The following ANKRD36B variants were observed in gnomAD, a reference collection of about 807,000 sequenced individuals.
The protein encoded by ANKRD36B is ankyrin repeat domain-containing protein 36B.
A neutral mutation model predicts 135.7 loss-of-function variants in ANKRD36B; 37 were observed. The ratio of observed to expected loss-of-function variants is 0.27; its 90% CI spans 0.21 to 0.36. The LOEUF (loss-of-function observed/expected upper bound fraction) is 0.36. ANKRD36B is among the 10% of genes least tolerant of loss of function. ANKRD36B has a pLI of 1.00. For missense variants in ANKRD36B, 549 were observed against 1,037.1 expected (o/e 0.53, Z 6.46); for synonymous variants, 179 against 348.1 (o/e 0.51, Z 5.41).
At chr2:97,555,276 T>A (rs1360381953) in intron 12 of ANKRD36B, 22 bp from the exon 13 acceptor site, 3 of 1,610,396 alleles carry the variant, frequency 1.9e-6, no homozygotes, top group African/African-American at 2.7e-5. Context: ...AAGGGATACA[T>A]AATCACTCAT....
chr2:97,569,811 C>T (rs1484517763), intron 6 of ANKRD36B, among the ~76,000 whole-genome samples: 9 of 151,994 alleles, frequency 5.9e-5, no homozygotes, highest in East Asian at 3.8e-4. Flanking sequence ...TATAGCAAGA[C>T]GTACTCAATT....
intron 5 of ANKRD36B, 127 bp from the exon 6 acceptor site, chr2:97,576,573 G>A: frequency 3.7e-6 from 1 of 273,092 alleles, no homozygotes; most frequent in South Asian, 4.4e-5. Context: ...CTTCTCTTTT[G>A]TAAGCTCTAC....
At chr2:97,572,321 T>G (rs1023024354) in intron 6 of ANKRD36B, among the ~76,000 whole-genome samples, 8 of 148,398 alleles carry the variant, frequency 5.4e-5, no homozygotes, top group Non-Finnish European at 9.0e-5. Context: ...TATAGATGGT[T>G]AAAGGTGTGG....
At chr2:97,585,212 G>A (rs1343126145) in intron 2 of ANKRD36B, 72 bp downstream of exon 2, 95 of 1,553,374 alleles carry the variant, frequency 6.1e-5, no homozygotes, top group Non-Finnish European at 7.8e-5. Context: ...GTATTCCAAT[G>A]AGATAAATTC....
At chr2:97,572,925 T>C (rs1250864102) in intron 6 of ANKRD36B, among the ~76,000 whole-genome samples, 1 of 152,002 alleles carries the variant, frequency 6.6e-6, no homozygotes, top group Admixed American at 6.6e-5. Flanking sequence ...ACTTCTTTTT[T>C]TTTTTTTTTA....
In ANKRD36B at chr2:97,524,838, G is replaced by A. The variant is rs374909601; in HGVS notation, c.2266-1371C>T. The A allele has an allele frequency of 4.2e-5, 4 of 96,100 alleles. 1 individual carries two copies. In the East Asian group the frequency reaches 7.0e-4, roughly 17 times the overall value. The allele number at this position is 96,100 out of a possible 1,614,324, so 6.0% of individuals were successfully genotyped here. A position where few individuals can be genotyped will look rare whatever the true frequency, so the allele number is the denominator to read the frequency against. ...TTGATCCACATTCTCTCATACTTTT[G>A]TGCACAAGTAAGTCCTGAATATATA... On this transcript the variant is annotated intron_variant, in intron 35 of 43. Transcript: ENST00000359901.
At chr2:97,586,632 A>G (rs1358027045) in intron 1 of ANKRD36B, among the ~76,000 whole-genome samples, 2 of 152,200 alleles carry the variant, frequency 1.3e-5, no homozygotes, top group African/African-American at 2.4e-5. Context: ...TTGTGAAAAA[A>G]ACTATAAATT....
intron 18 of ANKRD36B, 81 bp downstream of exon 18, chr2:97,551,208 C>T: frequency 6.6e-7 from 1 of 1,509,972 alleles, no homozygotes; most frequent in Non-Finnish European, 8.9e-7. Flanking sequence ...GCAGCTTCGA[C>T]CAGCCCCCCA....
intron 6 of ANKRD36B, among the ~76,000 whole-genome samples, chr2:97,561,199 T>A (rs1023887130): frequency 1.3e-5 from 2 of 151,888 alleles, no homozygotes; most frequent in African/African-American, 4.8e-5. Context: ...CTCATACACC[T>A]GGGAATCAGC....
Position 97,558,717 on chromosome 2 carries a change from A to C in ANKRD36B, c.967+82T>G, listed in dbSNP as rs577274214. 73 of 1,586,418 alleles carry C rather than the reference A, an allele frequency of 4.6e-5. No individual in the cohort carries two copies. In the African/African-American group the frequency reaches 9.3e-4, roughly 20 times the overall value. ...GAATCAGAATGTGCAGCTTCAATGA[A>C]TCCCCCGCTGATTTATTCGGGGAAG... On this transcript the variant is annotated intron_variant, in intron 10 of 43. Transcript: ENST00000359901.
chr2:97,566,193 C>T lies in ANKRD36B; in HGVS notation c.764-5333G>A, dbSNP rs538050734. 1.7e-3 allele frequency among the ~76,000 whole-genome samples: 252 copies of T among 151,856 alleles called. No homozygotes were observed. In the Middle Eastern group the frequency reaches 0.024, roughly 14 times the overall value. The stretch of plus-strand genomic sequence containing the variant: ...AAAATTAGCTGAGTGCGGTGGCACA[C>T]GTATGTAATCCCAGCTACTCGGGAG... On this transcript the variant is annotated intron_variant, in intron 6 of 43. Coordinates refer to ENST00000359901, the MANE Select transcript of ANKRD36B (RefSeq NM_001393939.1).
intron 20 of ANKRD36B, among the ~76,000 whole-genome samples, chr2:97,548,084 T>C (rs1394249735): frequency 6.6e-6 from 1 of 151,804 alleles, no homozygotes; most frequent in Non-Finnish European, 1.5e-5. Context: ...AAGCAGGTGC[T>C]ACATGATCCC....
At chr2:97,554,178 G>T (rs2080293393) in intron 14 of ANKRD36B, among the ~76,000 whole-genome samples, 1 of 151,786 alleles carries the variant, frequency 6.6e-6, no homozygotes, top group Non-Finnish European at 1.5e-5. Context: ...CATTGAAAAT[G>T]ACCATTTTAA....
chr2:97,557,158 T>C (rs946019122), intron 10 of ANKRD36B, 26 bp from the exon 11 acceptor site: 32 of 1,508,534 alleles, frequency 2.1e-5, no homozygotes, highest in African/African-American at 7.1e-5. Context: ...AATATATAAT[T>C]CATCATATGT....
rs925110553 is a variant in ANKRD36B at position 97,551,230 on chromosome 2, G to A, written c.1375+59C>T. The A allele has an allele frequency of 2.5e-5, 39 of 1,530,914 alleles. 1 individual carries two copies. The highest frequency in any genetic ancestry group is 9.8e-5 in the East Asian group (4 of 40,826). The allele number at this position is 1,530,914 out of a possible 1,614,324, so 94.8% of individuals were successfully genotyped here. A position where few individuals can be genotyped will look rare whatever the true frequency, so the allele number is the denominator to read the frequency against. Reference sequence around the variant, plus strand: ...CGACCAGCCCCCCACTGATTTATTCGGGGAAGAGAACTTCTTATCTGGACT... The same window carrying A: ...CGACCAGCCCCCCACTGATTTATTCAGGGAAGAGAACTTCTTATCTGGACT... On this transcript the variant is annotated intron_variant, in intron 18 of 43. Coordinates refer to ENST00000359901, the MANE Select transcript of ANKRD36B (RefSeq NM_001393939.1).
At chr2:97,554,295 G>A (rs955994751) in intron 14 of ANKRD36B, among the ~76,000 whole-genome samples, 1 of 151,828 alleles carries the variant, frequency 6.6e-6, no homozygotes, top group African/African-American at 2.4e-5. Context: ...TTATCCATGA[G>A]ATAGCTCTTT....
chr2:97,553,094 C>G (rs1274073583), intron 16 of ANKRD36B, 74 bp downstream of exon 16: 93 of 1,541,920 alleles, frequency 6.0e-5, no homozygotes, highest in Non-Finnish European at 8.0e-5. Flanking sequence ...CCGCCCTGCG[C>G]TGATTTATTA....
At chr2:97,562,731 G>A (rs944154836) in intron 6 of ANKRD36B, among the ~76,000 whole-genome samples, 1 of 151,918 alleles carries the variant, frequency 6.6e-6, no homozygotes, top group African/African-American at 2.4e-5. Context: ...CACTGTATGT[G>A]ACATCTGTAC....
intron 6 of ANKRD36B, among the ~76,000 whole-genome samples, chr2:97,564,415 A>C (rs2442264): frequency 6.6e-6 from 1 of 151,928 alleles, no homozygotes; most frequent in Middle Eastern, 3.4e-3. Context: ...GCTTTTGTTG[A>C]CATTGCTTTT....
Sources: gnomAD v4.1 joint callset for allele counts (sites outside exome capture counted in the v4.1 genomes callset) on GRCh38, gnomAD v4.1.1 for gene constraint, MANE v1.5 for transcripts, NCBI Gene and HGNC (gene_info 2026-07-23, HGNC 2026-07-21) for gene names.